The following PLXNA4 variants were observed in gnomAD, a reference collection of about 807,000 sequenced individuals.
PLXNA4 encodes the protein plexin-A4.
PLXNA4 carries 44 observed loss-of-function variants against 191.8 expected under a neutral mutation model. That is an observed-to-expected ratio of 0.23 (90% confidence interval 0.18 to 0.29). The LOEUF is 0.29. Ranked by LOEUF, PLXNA4 falls within the 10% of genes least tolerant of loss-of-function variation. PLXNA4 has a pLI of 1.00. For synonymous variants in PLXNA4, 1,082 were observed against 1,009.5 expected, an observed-to-expected ratio of 1.07 and a Z score of -1.36; for missense variants, 1,800 against 2,488.8, an observed-to-expected ratio of 0.72 and a Z score of 5.89.
chr7:132,560,081 C>A (rs1036305302), intron 1 of PLXNA4, among the ~76,000 whole-genome samples: 6 of 152,176 alleles, frequency 3.9e-5, no homozygotes, highest in African/African-American at 1.4e-4. Context: ...CTTTGTCCTA[C>A]CTCCCAGAAT....
At position 132,125,958 on chromosome 7, in the gene PLXNA4, A is replaced by G. The variant is rs1233493183; in HGVS notation, c.*4521T>C. The G allele has an allele frequency of 6.6e-6, 1 of 152,212 alleles. No individual in the cohort carries two copies. Among genetic ancestry groups the G allele is most frequent in the Non-Finnish European group, 1.5e-5 (1 of 68,156 alleles). 9.4% of individuals were successfully genotyped at this position (152,212 alleles called of 1,614,324 possible). On this transcript the variant is annotated 3_prime_UTR_variant, in exon 32 of 32. Coordinates refer to ENST00000321063, the MANE Select transcript of PLXNA4 (RefSeq NM_020911.2). Reference sequence around the variant, plus strand: ...CCTTGTGCCTGCAGAGCACCTTCCTACCTATGTCTGTCTGTCTTTCCCTCA... The same window carrying G: ...CCTTGTGCCTGCAGAGCACCTTCCTGCCTATGTCTGTCTGTCTTTCCCTCA...
At chr7:132,371,114 C>T (rs962973853) in intron 3 of PLXNA4, among the ~76,000 whole-genome samples, 2 of 152,054 alleles carry the variant, frequency 1.3e-5, no homozygotes, top group Admixed American at 6.5e-5. Context: ...GACACACATG[C>T]CCCGTGGTTG....
intron 9 of PLXNA4, among the ~76,000 whole-genome samples, chr7:132,222,405 G>T (rs1387715595): frequency 6.6e-6 from 1 of 152,214 alleles, no homozygotes; most frequent in African/African-American, 2.4e-5. Flanking sequence ...GATTCTTAGT[G>T]GGGTATGAGT....
At chr7:132,441,720 C>T (rs1795707332) in intron 3 of PLXNA4, among the ~76,000 whole-genome samples, 1 of 152,180 alleles carries the variant, frequency 6.6e-6, no homozygotes, top group Non-Finnish European at 1.5e-5. Context: ...ACCTATTTTA[C>T]ATTACACATT....
At chr7:132,274,919 T>C (rs1800215490) in intron 4 of PLXNA4, among the ~76,000 whole-genome samples, 1 of 152,064 alleles carries the variant, frequency 6.6e-6, no homozygotes, top group Non-Finnish European at 1.5e-5. Context: ...CAGTGCATCA[T>C]ATCAAATTGT....
At chr7:132,396,087 C>T (rs2117017656) in intron 3 of PLXNA4, among the ~76,000 whole-genome samples, 1 of 152,228 alleles carries the variant, frequency 6.6e-6, no homozygotes, top group South Asian at 2.1e-4. Context: ...GGCAAATGTA[C>T]CCTAGAGATG....
At chr7:132,175,531 C>T (rs539581359) in intron 20 of PLXNA4, among the ~76,000 whole-genome samples, 1 of 152,286 alleles carries the variant, frequency 6.6e-6, no homozygotes, top group South Asian at 2.1e-4. Flanking sequence ...TCCTTCCTTC[C>T]TCAAGGTGAT....
In PLXNA4 at chr7:132,269,500, T is replaced by C. The variant is rs559421087; in HGVS notation, c.1504-28334A>G. Among the ~76,000 whole-genome samples, 4 of 151,832 alleles carry C rather than the reference T, an allele frequency of 2.6e-5. No individual in the cohort carries two copies. In the East Asian group the frequency reaches 7.8e-4, roughly 30 times the overall value. ...GCCTAGAGTGGCATGGGACACCACA[T>C]CAGCTCTCTTCAGAACTGGGTAGTG... On this transcript the variant is annotated intron_variant, in intron 4 of 31. Coordinates refer to ENST00000321063, the MANE Select transcript of PLXNA4 (RefSeq NM_020911.2).
At chr7:132,374,016 A>T (rs1385818591) in intron 3 of PLXNA4, among the ~76,000 whole-genome samples, 1 of 152,206 alleles carries the variant, frequency 6.6e-6, no homozygotes, top group Non-Finnish European at 1.5e-5. Context: ...GATTGATTGC[A>T]GAGCTGCCAG....
intron 3 of PLXNA4, among the ~76,000 whole-genome samples, chr7:132,375,581 G>T (rs911277970): frequency 6.6e-6 from 1 of 152,196 alleles, no homozygotes; most frequent in African/African-American, 2.4e-5. Context: ...CCACAGCACA[G>T]TGTGATCCAT....
chr7:132,583,244 C>T (rs1347108881), intron 2 of PLXNA4, among the ~76,000 whole-genome samples: 3 of 152,182 alleles, frequency 2.0e-5, no homozygotes, highest in African/African-American at 7.2e-5. Flanking sequence ...TCCTTGCACC[C>T]ACCAAGCACC....
chr7:132,160,953 A>C (rs2116633786), intron 24 of PLXNA4, among the ~76,000 whole-genome samples: 1 of 152,234 alleles, frequency 6.6e-6, no homozygotes, highest in South Asian at 2.1e-4. Flanking sequence ...AATCTATAAA[A>C]CCAAACTTTC....
chr7:132,140,658 C>T lies in PLXNA4; in HGVS notation c.5379G>A (p.Ser1793=), dbSNP rs771235504. 3.1e-5 allele frequency: 50 copies of T among 1,613,968 alleles called. No homozygotes were observed. Among genetic ancestry groups the T allele is most frequent in the Middle Eastern group, 3.3e-4 (2 of 6,084 alleles). ...STSEHRLGKD[S]PSNKLLYAKD... ...TGGCATACAGCAGCTTGTTGGAGGGCGAGTCCTTGCCCAGCCGGTGCTCTG... is the reference window on the plus strand; with the variant it reads ...TGGCATACAGCAGCTTGTTGGAGGGTGAGTCCTTGCCCAGCCGGTGCTCTG... The change falls in exon 30 of 32, where the codon TCG becomes TCA. Residue 1793 remains serine, a synonymous_variant. Transcript: ENST00000321063.
At chr7:132,224,780 G>A (rs1246288154) in intron 8 of PLXNA4, among the ~76,000 whole-genome samples, 2 of 152,114 alleles carry the variant, frequency 1.3e-5, no homozygotes. Flanking sequence ...GGCTGGGAGG[G>A]CCGGATGCCT....
At chr7:132,580,753 C>T (rs905350212), upstream of PLXNA4, among the ~76,000 whole-genome samples, 1 of 152,186 alleles carries the variant, frequency 6.6e-6, no homozygotes, top group Admixed American at 6.5e-5. Flanking sequence ...CAGATTTGCT[C>T]GTTAAATAAA....
intron 4 of PLXNA4, among the ~76,000 whole-genome samples, chr7:132,295,136 T>C: frequency 6.6e-6 from 1 of 152,226 alleles, no homozygotes; most frequent in East Asian, 1.9e-4. Flanking sequence ...TTTGTGTTGG[T>C]ACCTCTCTTT....
At chr7:132,145,313 C>G (rs745405216) in intron 28 of PLXNA4, 25 bp from the exon 29 acceptor site, 2 of 1,612,646 alleles carry the variant, frequency 1.2e-6, no homozygotes, top group African/African-American at 2.7e-5. Context: ...TACGTCCAGA[C>G]ACAGCTCGAC....
intron 3 of PLXNA4, among the ~76,000 whole-genome samples, chr7:132,487,813 C>T (rs1414625140): frequency 6.6e-6 from 1 of 152,120 alleles, no homozygotes; most frequent in East Asian, 1.9e-4. Flanking sequence ...TGGGCATCCA[C>T]AAAACTCAGT....
At chr7:132,220,968 A>T (rs1323742424) in intron 9 of PLXNA4, among the ~76,000 whole-genome samples, 1 of 151,800 alleles carries the variant, frequency 6.6e-6, no homozygotes, top group Non-Finnish European at 1.5e-5. Flanking sequence ...AGGCATCGCC[A>T]TGCCCAGCTT....
Sources: allele counts gnomAD v4.1 joint callset (sites outside exome capture counted in the v4.1 genomes callset), GRCh38; gene constraint gnomAD v4.1.1; transcripts MANE v1.5; gene names NCBI Gene and HGNC (gene_info 2026-07-23, HGNC 2026-07-21).